GALK2: variants seen among roughly 807,000 people sequenced by gnomAD.
GALK2 encodes the protein N-acetylgalactosamine kinase.
A neutral mutation model predicts 52.4 loss-of-function variants in GALK2; 36 were observed. The ratio of observed to expected loss-of-function variants is 0.69; its 90% CI spans 0.53 to 0.91. The LOEUF is 0.91. Among genes scored for constraint, GALK2 ranks in the 40% least tolerant of loss-of-function variants. The probability of loss-of-function intolerance (pLI) is 0.00; values close to 1 mark genes in which losing one functional copy is unlikely to be tolerated. For synonymous variants in GALK2, 176 were observed against 199.1 expected (o/e 0.88, Z 0.98); for missense variants, 579 against 559.1 (o/e 1.04, Z -0.36).
intron 7 of GALK2, among the ~76,000 whole-genome samples, chr15:49,287,186 C>G (rs1252208034): frequency 1.3e-5 from 2 of 152,160 alleles, no homozygotes; most frequent in Admixed American, 6.5e-5. Context: ...TGCGTAACCC[C>G]ATATGCATTT....
rs747946698 is a variant in GALK2, at chr15:49,239,335, A to G, written c.472A>G (p.Thr158Ala). The G allele has an allele frequency of 6.2e-7, 1 of 1,614,100 alleles. No individual in the cohort carries two copies. The highest frequency in any genetic ancestry group is 2.2e-5 in the East Asian group (1 of 44,866). ...TTTGGTCTGTTGTGCTGGCTTGGTG[A>G]CGCTCACAGTGCTGGGAAGGAATCT... The part of the protein sequence containing the change: ...SALVCCAGLV[T>A]LTVLGRNLSK... The change falls in exon 5 of 10, where the codon ACG becomes GCG. Residue 158 changes from threonine (T) to alanine (A), a missense_variant. Transcript: ENST00000560031.
intron 5 of GALK2, among the ~76,000 whole-genome samples, chr15:49,269,918 A>T (rs1480516083): frequency 6.6e-6 from 1 of 152,222 alleles, no homozygotes; most frequent in Admixed American, 6.5e-5. Context: ...TTGAAGTTTG[A>T]AGGAACCGCT....
At chr15:49,315,961 G>C (rs902400403) in intron 8 of GALK2, among the ~76,000 whole-genome samples, 1 of 152,110 alleles carries the variant, frequency 6.6e-6, no homozygotes. Context: ...TAATCCTAAA[G>C]AAATATGTAA....
upstream of GALK2, among the ~76,000 whole-genome samples, chr15:49,167,461 G>A (rs1180156102): frequency 6.6e-6 from 1 of 152,108 alleles, no homozygotes; most frequent in Non-Finnish European, 1.5e-5. Context: ...GGGTTCAAGC[G>A]ATTCTCCCGC....
At chr15:49,299,180 G>T (rs537313350) in intron 8 of GALK2, among the ~76,000 whole-genome samples, 2 of 152,176 alleles carry the variant, frequency 1.3e-5, no homozygotes, top group South Asian at 2.1e-4. Context: ...GTGCACAGAG[G>T]TGTCCACAAT....
chr15:49,212,946 G>A (rs1366990518), intron 2 of GALK2, among the ~76,000 whole-genome samples: 4 of 152,096 alleles, frequency 2.6e-5, no homozygotes, highest in East Asian at 1.9e-4. Flanking sequence ...AATATTCTGG[G>A]CACTGATGAG....
At chr15:49,299,709 G>GCTTT (rs34902544) in intron 8 of GALK2, among the ~76,000 whole-genome samples, 5,294 of 85,050 alleles carry the variant, frequency 0.062, 369 homozygotes, top group Middle Eastern at 0.11. Flanking sequence ...TCTTGGTATT[G>GCTTT]CTTTCTTTCT....
chr15:49,252,562 T>C (rs1197978369), intron 5 of GALK2, among the ~76,000 whole-genome samples: 6 of 152,212 alleles, frequency 3.9e-5, no homozygotes, highest in Non-Finnish European at 8.8e-5. Context: ...GGATATGCTA[T>C]ACTTTATTTA....
At chr15:49,322,843 G>A (rs7162633) in intron 9 of GALK2, among the ~76,000 whole-genome samples, 25,349 of 151,712 alleles carry the variant, frequency 0.17, 2,377 homozygotes, top group Non-Finnish European at 0.21. Flanking sequence ...TGTAGTCCCA[G>A]CTACTCGGGA....
chr15:49,194,151 C>T (rs1183401834), intron 1 of GALK2: 1 of 151,984 alleles, frequency 6.6e-6, no homozygotes, highest in Non-Finnish European at 1.5e-5. Flanking sequence ...TATGGTGAAA[C>T]CCCATCTCTA....
chr15:49,217,234 G>A lies in GALK2; in HGVS notation c.187G>A (p.Val63Ile), dbSNP rs764224604. Reference sequence around the variant, plus strand: ...TGGATATTCTGTTCTTCCTATGGCTGTAGAACAAGATGTGCTAATAGCTGT... The same window carrying A: ...TGGATATTCTGTTCTTCCTATGGCTATAGAACAAGATGTGCTAATAGCTGT... ...YCGYSVLPMA[V>I]EQDVLIAVEP... is the part of the protein sequence containing the mutation. Residue 63 changes from valine to isoleucine, a missense_variant, in exon 3 of 10, where the codon GTA (valine) becomes ATA (isoleucine). Val to Ile is a conservative substitution (Grantham distance 29). Coordinates refer to ENST00000560031, the MANE Select transcript of GALK2 (RefSeq NM_002044.4). The A allele has an allele frequency of 1.2e-6, 2 of 1,612,466 alleles. No homozygotes were observed. The highest frequency in any genetic ancestry group is 8.5e-7 in the Non-Finnish European group (1 of 1,178,532).
At chr15:49,214,091 G>T (rs1595695551) in intron 2 of GALK2, among the ~76,000 whole-genome samples, 1 of 152,072 alleles carries the variant, frequency 6.6e-6, no homozygotes, top group Non-Finnish European at 1.5e-5. Flanking sequence ...CTGCACTCCA[G>T]CCTGGGCGAC....
intron 5 of GALK2, among the ~76,000 whole-genome samples, chr15:49,277,231 G>T (rs543010304): frequency 1.5e-4 from 13 of 87,954 alleles, no homozygotes; most frequent in Admixed American, 4.7e-4. Flanking sequence ...TGCAGTGGCG[G>T]GATCTCGGCT....
chr15:49,256,090 A>G (rs955491977), intron 5 of GALK2, among the ~76,000 whole-genome samples: 22 of 152,196 alleles, frequency 1.4e-4, no homozygotes, highest in African/African-American at 5.3e-4. Flanking sequence ...TATATATCAC[A>G]TTTCAGTATA....
At chr15:49,352,936 G>C (rs1284357260) in intron 3 of GALK2, among the ~76,000 whole-genome samples, 1 of 152,172 alleles carries the variant, frequency 6.6e-6, no homozygotes, top group Non-Finnish European at 1.5e-5. Context: ...TCTTACTGCA[G>C]TGTATTAAAC....
intron 1 of GALK2, chr15:49,178,493 T>G: frequency 3.5e-6 from 1 of 284,824 alleles, no homozygotes; most frequent in Non-Finnish European, 6.9e-6. Context: ...GTGGACAGGC[T>G]TGCCATAAGC....
intron 8 of GALK2, among the ~76,000 whole-genome samples, chr15:49,308,309 C>A (rs924957702): frequency 1.8e-4 from 27 of 152,206 alleles, no homozygotes; most frequent in African/African-American, 6.5e-4. Flanking sequence ...AGAAATTGAC[C>A]AGTAATGTGT....
At chr15:49,177,455 A>G (rs1407511695) in intron 1 of GALK2, among the ~76,000 whole-genome samples, 1 of 152,274 alleles carries the variant, frequency 6.6e-6, no homozygotes, top group East Asian at 1.9e-4. Flanking sequence ...TAGTTTTCAA[A>G]CATTATTGCA....
intron 8 of GALK2, among the ~76,000 whole-genome samples, chr15:49,301,834 C>T (rs902757109): frequency 6.6e-6 from 1 of 152,098 alleles, no homozygotes. Context: ...TGTATGATCT[C>T]CAGAGTCATG....
Sources: allele counts gnomAD v4.1 joint callset (sites outside exome capture counted in the v4.1 genomes callset), GRCh38; gene constraint gnomAD v4.1.1; transcripts MANE v1.5; gene names NCBI Gene and HGNC (gene_info 2026-07-23, HGNC 2026-07-21).